CSMD1: variants seen among roughly 807,000 people sequenced by gnomAD.
CSMD1 encodes CUB and sushi domain-containing protein 1.
CSMD1 carries 213 observed loss-of-function variants against 417.5 expected under a neutral mutation model. That is an observed-to-expected ratio of 0.51 (90% confidence interval 0.46 to 0.57). The LOEUF (loss-of-function observed/expected upper bound fraction) is 0.57. CSMD1 is among the 20% of genes least tolerant of loss of function. The pLI is 0.00. For synonymous variants in CSMD1, 2,862 were observed against 1,736.8 expected (o/e 1.65, Z -16.11); for missense variants, 6,923 against 4,529.7 (o/e 1.53, Z -15.17).
In CSMD1 at chr8:2,983,684, C is replaced by G. The variant is rs148684455; in HGVS notation, c.8378-4884G>C. Reference sequence around the variant, plus strand: ...TAAAGCACTTCCCAGTCTTTGGCATCAGCACTCTTTCCTACAAGCACAATA... The same window carrying G: ...TAAAGCACTTCCCAGTCTTTGGCATGAGCACTCTTTCCTACAAGCACAATA... On this transcript the variant is annotated intron_variant, in intron 54 of 69. Transcript: ENST00000635120. Among the ~76,000 whole-genome samples, 220 of 152,130 alleles carry G rather than the reference C, an allele frequency of 1.4e-3. 1 individual carries two copies. The highest frequency in any genetic ancestry group is 4.8e-3 in the African/African-American group (198 of 41,494).
chr8:3,432,459 T>C (rs1020328486), intron 12 of CSMD1, among the ~76,000 whole-genome samples: 1 of 151,886 alleles, frequency 6.6e-6, no homozygotes, highest in African/African-American at 2.4e-5. Context: ...TTTAGAAAAG[T>C]TGTTACTCCT....
intron 2 of CSMD1, among the ~76,000 whole-genome samples, chr8:4,478,351 AG>A (rs1482201213): frequency 6.6e-6 from 1 of 152,180 alleles, no homozygotes; most frequent in Non-Finnish European, 1.5e-5. Flanking sequence ...ACATCTTCTA[AG>A]CTCTGGGAAA....
At chr8:4,045,581 A>G (rs1798108130) in intron 3 of CSMD1, among the ~76,000 whole-genome samples, 1 of 152,198 alleles carries the variant, frequency 6.6e-6, no homozygotes, top group Non-Finnish European at 1.5e-5. Flanking sequence ...ATGCTTTAGA[A>G]TGAAAGAAAC....
chr8:4,756,176 A>G (rs1186900916), intron 1 of CSMD1, among the ~76,000 whole-genome samples: 1 of 152,206 alleles, frequency 6.6e-6, no homozygotes, highest in African/African-American at 2.4e-5. Flanking sequence ...TTGCACACAC[A>G]TTTCTGGAAA....
chr8:4,409,515 C>G lies in CSMD1; in HGVS notation c.415+10438G>C, dbSNP rs188729231. ...GAGAACAATAAAAATGTAACCCTAA[C>G]CAAAATATGTAACTAGGCAGCTCAT... is the stretch of plus-strand genomic sequence containing the variant. On this transcript the variant is annotated intron_variant, in intron 3 of 69. Coordinates refer to ENST00000635120, the MANE Select transcript of CSMD1 (RefSeq NM_033225.6). Among the ~76,000 whole-genome samples the G allele has an allele frequency of 3.9e-5, 6 of 152,242 alleles. No individual in the cohort carries two copies. The East Asian group carries it at 5.8e-4, about 15-fold the overall frequency.
chr8:3,911,548 A>T (rs1324064881), intron 5 of CSMD1, among the ~76,000 whole-genome samples: 1 of 142,934 alleles, frequency 7.0e-6, no homozygotes, highest in Non-Finnish European at 1.5e-5. Flanking sequence ...AAAAAAAAAA[A>T]GAAGAAGAAG....
At position 4,453,906 on chromosome 8, in the gene CSMD1, C is replaced by G. The variant is rs567289551; in HGVS notation, c.303-33841G>C. Reference sequence around the variant, plus strand: ...GCGCGACCTCGGCTCACTGCCAGCTCCGCCTCCCAGGTTCACAGCATTCTC... The same window carrying G: ...GCGCGACCTCGGCTCACTGCCAGCTGCGCCTCCCAGGTTCACAGCATTCTC... On this transcript the variant is annotated intron_variant, in intron 2 of 69. Coordinates refer to ENST00000635120, the MANE Select transcript of CSMD1 (RefSeq NM_033225.6). 2.0e-5 allele frequency among the ~76,000 whole-genome samples: 3 copies of G among 147,842 alleles called. No individual in the cohort carries two copies. In the Admixed American group the frequency reaches 2.1e-4, roughly 10 times the overall value.
chr8:3,102,180 C>T (rs958097893), intron 46 of CSMD1, among the ~76,000 whole-genome samples: 4 of 152,028 alleles, frequency 2.6e-5, no homozygotes, highest in Non-Finnish European at 5.9e-5. Context: ...GGGAGATGGG[C>T]CCCCACTTGA....
intron 3 of CSMD1, among the ~76,000 whole-genome samples, chr8:4,086,436 A>T (rs1800423684): frequency 6.6e-6 from 1 of 152,208 alleles, no homozygotes; most frequent in Admixed American, 6.5e-5. Flanking sequence ...ATTTTCTTAA[A>T]ATACTACTAT....
At chr8:4,398,793 C>T (rs779478715) in intron 3 of CSMD1, among the ~76,000 whole-genome samples, 11 of 152,168 alleles carry the variant, frequency 7.2e-5, no homozygotes, top group African/African-American at 2.4e-4. Context: ...GTTCTTTCAC[C>T]TATGAATGAC....
intron 12 of CSMD1, among the ~76,000 whole-genome samples, chr8:3,449,007 C>A (rs926547962): frequency 6.6e-6 from 1 of 152,118 alleles, no homozygotes; most frequent in South Asian, 2.1e-4. Context: ...AGAAATCAAA[C>A]ACGTATTAGT....
chr8:4,241,708 CT>C (rs113859833), intron 3 of CSMD1, among the ~76,000 whole-genome samples: 98,349 of 135,678 alleles, frequency 0.72, 35,103 homozygotes, highest in East Asian at 0.88. Flanking sequence ...TTTTTTTTTT[CT>C]TTTTTTTTTT....
chr8:3,319,271 T>C (rs778268828), intron 23 of CSMD1, among the ~76,000 whole-genome samples: 2 of 152,230 alleles, frequency 1.3e-5, no homozygotes, highest in African/African-American at 2.4e-5. Flanking sequence ...TTTGATTAAC[T>C]AGTGTTGGTT....
At chr8:4,905,024 G>A (rs1371691591) in intron 1 of CSMD1, among the ~76,000 whole-genome samples, 2 of 152,134 alleles carry the variant, frequency 1.3e-5, no homozygotes, top group East Asian at 1.9e-4. Context: ...TGTGACAGTA[G>A]AAATTAAAAA....
intron 2 of CSMD1, among the ~76,000 whole-genome samples, chr8:4,503,151 GTGCTTT>G (rs1802345727): frequency 1.3e-5 from 2 of 152,160 alleles, no homozygotes; most frequent in South Asian, 2.1e-4. Flanking sequence ...TACGTGAAGT[GTGCTTT>G]TAATATATAG....
In CSMD1 at chr8:3,241,241, A is replaced by G. The variant is rs577888448; in HGVS notation, c.4154-11010T>C. Among the ~76,000 whole-genome samples the G allele has an allele frequency of 2.8e-3, 415 of 150,444 alleles. 3 individuals are homozygous for G. Among genetic ancestry groups the G allele is most frequent in the African/African-American group, 9.4e-3 (389 of 41,176 alleles). ...ACTAAAAAGGAGTGCTTAAAAGAGT[A>G]TTGTCTAAGCTGGCACCAGAGTTGG... On this transcript the variant is annotated intron_variant, in intron 26 of 69. Transcript: ENST00000635120.
chr8:3,286,068 C>A (rs1584931742), intron 25 of CSMD1, among the ~76,000 whole-genome samples: 1 of 152,214 alleles, frequency 6.6e-6, no homozygotes, highest in African/African-American at 2.4e-5. Context: ...TGAGTGAGAA[C>A]ATGAGGCGTT....
At chr8:4,142,345 T>G (rs1803841215) in intron 3 of CSMD1, among the ~76,000 whole-genome samples, 1 of 151,156 alleles carries the variant, frequency 6.6e-6, no homozygotes, top group African/African-American at 2.5e-5. Flanking sequence ...TCTACGAGGT[T>G]ATGATATTTG....
At chr8:3,531,847 G>C (rs549024764) in intron 10 of CSMD1, among the ~76,000 whole-genome samples, 2 of 152,128 alleles carry the variant, frequency 1.3e-5, no homozygotes, top group Non-Finnish European at 2.9e-5. Flanking sequence ...AAACGGCTAC[G>C]TGGGGCCAGG....
Sources: gnomAD v4.1 joint callset for allele counts (sites outside exome capture counted in the v4.1 genomes callset) on GRCh38, gnomAD v4.1.1 for gene constraint, MANE v1.5 for transcripts, NCBI Gene and HGNC (gene_info 2026-07-23, HGNC 2026-07-21) for gene names.